AP3B2: variants seen among roughly 807,000 people sequenced by gnomAD.
AP3B2 encodes adaptor related protein complex 3 subunit beta 2, also known as AP-3 complex subunit beta-2.
Under a neutral mutation model 126.9 loss-of-function variants are expected in AP3B2, and 50 were observed. The ratio of observed to expected loss-of-function variants is 0.39; its 90% CI spans 0.31 to 0.50. The LOEUF is 0.50. Among genes scored for constraint, AP3B2 ranks in the 20% least tolerant of loss-of-function variants. The pLI, the probability that AP3B2 is intolerant of heterozygous loss-of-function variation, is 0.79. For missense variants in AP3B2, 1,177 were observed against 1,426.4 expected, an observed-to-expected ratio of 0.83 and a Z score of 2.82; for synonymous variants, 541 against 565.0, an observed-to-expected ratio of 0.96 and a Z score of 0.60.
chr15:82,678,132 G>A lies in AP3B2; in HGVS notation c.1218C>T (p.Asn406=). ...GGAATTCCCGTAGGACAGTAGGAATGTTGGTCTCATTGGCCAGGTTGGTCA... is the reference window on the plus strand; with the variant it reads ...GGAATTCCCGTAGGACAGTAGGAATATTGGTCTCATTGGCCAGGTTGGTCA... ...EVLTNLANET[N]IPTVLREFQT... The change falls in exon 11 of 27, where the codon AAC becomes AAT. Residue 406 remains asparagine (N), a synonymous_variant. Transcript: ENST00000535359. 1 of 1,613,952 alleles carries A rather than the reference G, an allele frequency of 6.2e-7. No homozygotes were observed. The highest frequency in any genetic ancestry group is 8.5e-7 in the Non-Finnish European group (1 of 1,179,872).
chr15:82,668,450 A>C (rs940725373), intron 14 of AP3B2, among the ~76,000 whole-genome samples: 7 of 152,234 alleles, frequency 4.6e-5, no homozygotes, highest in Non-Finnish European at 8.8e-5. Context: ...TCAATTATCA[A>C]GAGGCTGCTG....
At chr15:82,699,673 G>A in intron 1 of AP3B2, 1 of 399,844 alleles carries the variant, frequency 2.5e-6, no homozygotes, top group Non-Finnish European at 4.4e-6. Context: ...CTCTGGGCAA[G>A]GTCCTTCCAG....
rs2048320766 is a variant in AP3B2 at position 82,680,576 on chromosome 15, G to GCTGCGGCT, written c.943_950dup (p.Ser317ArgfsTer8). 1.3e-6 allele frequency: 2 copies of GCTGCGGCT among 1,587,592 alleles called. No individual in the cohort carries two copies. The highest frequency in any genetic ancestry group is 1.7e-6 in the Non-Finnish European group (2 of 1,173,900). On this transcript the variant is annotated frameshift_variant, in exon 8 of 27. Transcript: ENST00000535359. LOFTEE classifies it high-confidence loss of function. This position sits in a 1 kb window ranked among gnomAD's most constrained non-coding sequence, Gnocchi z 6.1. ...GCGCCACCGCCATCACCACCGCGGC[G>GCTGCGGCT]CTGCGGCTCTGCAGCAGGGGTTTGG...
rs777730637 is a variant in AP3B2, at chr15:82,665,341, G to A, written c.1972-38C>T. ...GGGAGGGTGTTAGGAGGGCTGGGCC[G>A]GCACTGCCAGGGCTCCCTACTGTCT... On this transcript the variant is annotated intron_variant, in intron 16 of 26. Transcript: ENST00000535359. The surrounding 1 kb of genome is among the most constrained non-coding windows in gnomAD (Gnocchi z 4.4). The A allele has an allele frequency of 4.6e-5, 73 of 1,585,064 alleles. No homozygotes were observed. The highest frequency in any genetic ancestry group is 3.4e-4 in the Middle Eastern group (2 of 5,950).
intron 4 of AP3B2, chr15:82,687,694 T>C (rs1015924562): frequency 1.3e-5 from 2 of 152,242 alleles, no homozygotes; most frequent in Non-Finnish European, 2.9e-5. Context: ...CCATAGCAGA[T>C]TGGACAAGGG....
intron 1 of AP3B2, among the ~76,000 whole-genome samples, chr15:82,693,393 T>A (rs1456306999): frequency 1.3e-5 from 2 of 151,548 alleles, no homozygotes; most frequent in Non-Finnish European, 2.9e-5. Context: ...ATTACAGGCA[T>A]GCACCACCAC....
Position 82,680,220 on chromosome 15 carries a change from C to G in AP3B2, c.1065G>C (p.Gln355His), listed in dbSNP as rs372504799. ...TGGCCACGTTCTGGAGCACAACGTACTGCACCTCACTGCGGAGAGGACGGG... is the reference window on the plus strand; with the variant it reads ...TGGCCACGTTCTGGAGCACAACGTAGTGCACCTCACTGCGGAGAGGACGGG... ...VRLLRSHSEV[Q>H]YVVLQNVATM... Residue 355 changes from glutamine (Q) to histidine (H), a missense_variant, in exon 9 of 27, where the codon CAG (glutamine) becomes CAC (histidine). Physicochemically the swap from Gln to His is conservative, Grantham distance 24. Transcript: ENST00000535359. The surrounding 1 kb of genome is among the most constrained non-coding windows in gnomAD (Gnocchi z 6.1). The G allele has an allele frequency of 1.2e-6, 2 of 1,613,514 alleles. No homozygotes were observed. Among genetic ancestry groups the G allele is most frequent in the African/African-American group, 2.7e-5 (2 of 74,928 alleles).
chr15:82,680,169 G>T lies in AP3B2; in HGVS notation c.1110+6C>A. 1 of 1,613,156 alleles carries T rather than the reference G, an allele frequency of 6.2e-7. No individual in the cohort carries two copies. On this transcript the variant is annotated splice_donor_region_variant and intron_variant, in intron 9 of 26. Transcript: ENST00000535359. This position sits in a 1 kb window ranked among gnomAD's most constrained non-coding sequence, Gnocchi z 6.1. ...CAGCGAGGACAGCCCGCCGTCGCAG[G>T]CTCACCCGGCGCTTGATGGACATGG...
intron 4 of AP3B2, 76 bp downstream of exon 4, chr15:82,688,660 G>T: frequency 7.3e-7 from 1 of 1,365,398 alleles, no homozygotes; most frequent in Non-Finnish European, 1.0e-6. Flanking sequence ...CATGCTCATG[G>T]CCTCTCCCCA....
Position 82,665,528 on chromosome 15 carries a change from TG to T in AP3B2, c.1899del (p.Lys634ArgfsTer161). ...GGGAGCTCCTGGTAGCCTGTGGCCT[TG>T]GCATTAAGCAGGTGGGACAGTGAGC... ...QLGSLSHLLNAKATGYQELPD... is the reference protein window; with the variant it reads ...QLGSLSHLLNXKATGYQELPD... On this transcript the variant is annotated frameshift_variant, in exon 16 of 27. Coordinates refer to ENST00000535359, the MANE Select transcript of AP3B2 (RefSeq NM_001278512.2). LOFTEE classifies it high-confidence loss of function. The surrounding 1 kb of genome is among the most constrained non-coding windows in gnomAD (Gnocchi z 4.4). 2.5e-6 allele frequency: 4 copies of T among 1,613,910 alleles called. No homozygotes were observed. Among genetic ancestry groups the T allele is most frequent in the Non-Finnish European group, 3.4e-6 (4 of 1,179,872 alleles).
chr15:82,680,641 A>T lies in AP3B2; in HGVS notation c.886T>A (p.Tyr296Asn), dbSNP rs1163520533. 1.3e-6 allele frequency: 2 copies of T among 1,590,900 alleles called. No individual in the cohort carries two copies. Among genetic ancestry groups the T allele is most frequent in the African/African-American group, 2.7e-5 (2 of 74,536 alleles). ...AGCCGGTGGTCGGGGTCCATGACAT[A>T]GGGCTTTCGGGAGGGGGCGGCCGCG... is the stretch of plus-strand genomic sequence containing the variant. ...AAAAAPSRKP[Y>N]VMDPDHRLLL... The change falls in exon 8 of 27, where the codon TAT becomes AAT. Residue 296 changes from tyrosine (Y) to asparagine (N), a missense_variant. Physicochemically the swap from Tyr to Asn is moderately radical, Grantham distance 143. Transcript: ENST00000535359. This position sits in a 1 kb window ranked among gnomAD's most constrained non-coding sequence, Gnocchi z 6.1.
At chr15:82,690,944 C>T (rs1490782415) in intron 1 of AP3B2, among the ~76,000 whole-genome samples, 3 of 152,014 alleles carry the variant, frequency 2.0e-5, no homozygotes, top group Non-Finnish European at 2.9e-5. Flanking sequence ...GCATGAGCCA[C>T]GCTGGGATTA....
Position 82,659,567 on chromosome 15 carries a change from G to C in AP3B2, c.3299C>G (p.Thr1100Ser), listed in dbSNP as rs201428733. 4 of 1,613,722 alleles carry C rather than the reference G, an allele frequency of 2.5e-6. No homozygotes were observed. The South Asian group carries it at 3.3e-5, about 13-fold the overall frequency. ...GGTCACAGCATTTGGAAGTCACTGG[G>C]TCAGAGCCTGTATCACATCCTTTAC... ...MLVKDVIQAL[T>S]Q The change falls in exon 27 of 27, where the codon ACC becomes AGC. Residue 1100 changes from threonine (T) to serine (S), a missense_variant. This residue lies in a region of AP3B2 where 587 missense variants were observed against 571.3 expected (regional missense o/e 1.03). Transcript: ENST00000535359.
intron 14 of AP3B2, among the ~76,000 whole-genome samples, chr15:82,671,913 G>A (rs532543947): frequency 7.3e-5 from 11 of 151,628 alleles, no homozygotes; most frequent in Non-Finnish European, 1.5e-4. Context: ...ACTTGGTGGC[G>A]GGCGCCTGTA....
Position 82,676,613 on chromosome 15 carries a change from G to A in AP3B2, c.1513C>T (p.Leu505=). The A allele has an allele frequency of 6.2e-7, 1 of 1,614,000 alleles. No homozygotes were observed. The highest frequency in any genetic ancestry group is 8.5e-7 in the Non-Finnish European group (1 of 1,179,890). The change falls in exon 14 of 27, where the codon CTG becomes TTG. Residue 505 remains leucine, a synonymous_variant. Coordinates refer to ENST00000535359, the MANE Select transcript of AP3B2 (RefSeq NM_001278512.2). ...TCACAGTACTCTCCGATGAGCCACA[G>A]GATGCTGGCTCGGGCCATGGGCACC... ...IQVPMARASI[L]WLIGEYCEHV...
At chr15:82,671,721 A>G (rs1325912814) in intron 14 of AP3B2, among the ~76,000 whole-genome samples, 2 of 149,174 alleles carry the variant, frequency 1.3e-5, no homozygotes, top group Non-Finnish European at 3.0e-5. Flanking sequence ...AGCCTGGGAA[A>G]AAAGAGTGAA....
chr15:82,664,220 G>T lies in AP3B2; in HGVS notation c.2261+147C>A. The T allele has an allele frequency of 7.4e-7, 1 of 1,359,988 alleles. No homozygotes were observed. The highest frequency in any genetic ancestry group is 1.0e-6 in the Non-Finnish European group (1 of 1,003,692). 84.2% of individuals were successfully genotyped at this position (1,359,988 alleles called of 1,614,324 possible). A position where few individuals can be genotyped will look rare whatever the true frequency, so the allele number is the denominator to read the frequency against. ...GCCTCAGAGATCTCCTGCAGCCAGC[G>T]AAAGTAGGCGTCATGTGAGCTGACA... is the stretch of plus-strand genomic sequence containing the variant. On this transcript the variant is annotated intron_variant, in intron 19 of 26. Transcript: ENST00000535359. This position sits in a 1 kb window ranked among gnomAD's most constrained non-coding sequence, Gnocchi z 4.5.
chr15:82,681,389 C>T lies in AP3B2; in HGVS notation c.521+31G>A, dbSNP rs1195275200. On this transcript the variant is annotated intron_variant, in intron 5 of 26. Coordinates refer to ENST00000535359, the MANE Select transcript of AP3B2 (RefSeq NM_001278512.2). The surrounding 1 kb of genome is among the most constrained non-coding windows in gnomAD (Gnocchi z 4.0). ...GGTTGAGAACTTAGGAACCAGCCTCCTGGGGAGCGTGGGACAGGGCTGGGG... is the reference window on the plus strand; with the variant it reads ...GGTTGAGAACTTAGGAACCAGCCTCTTGGGGAGCGTGGGACAGGGCTGGGG... The T allele has an allele frequency of 1.1e-5, 17 of 1,610,598 alleles. No individual in the cohort carries two copies. The highest frequency in any genetic ancestry group is 9.3e-6 in the Non-Finnish European group (11 of 1,178,066).
intron 1 of AP3B2, among the ~76,000 whole-genome samples, chr15:82,700,105 A>G (rs541198039): frequency 1.3e-5 from 2 of 152,204 alleles, no homozygotes; most frequent in East Asian, 3.9e-4. Flanking sequence ...AGTGGAGTTG[A>G]TAGAGAGGTG....
Sources: gnomAD v4.1 joint callset for allele counts (sites outside exome capture counted in the v4.1 genomes callset) on GRCh38, gnomAD v4.1.1 for gene constraint, gnomAD v4.1.1 regional missense constraint, Gnocchi (gnomAD v3.1) non-coding constraint, MANE v1.5 for transcripts, NCBI Gene and HGNC (gene_info 2026-07-23, HGNC 2026-07-21) for gene names.